WWC2: variants seen among roughly 807,000 people sequenced by gnomAD.
The protein encoded by WWC2 is protein WWC2.
Under a neutral mutation model 138.5 loss-of-function variants are expected in WWC2, and 101 were observed. The ratio of observed to expected loss-of-function variants is 0.73; its 90% CI spans 0.62 to 0.86. WWC2 has a LOEUF of 0.86. Ranked by LOEUF, WWC2 falls within the 40% of genes least tolerant of loss-of-function variation. The pLI, the probability that WWC2 is intolerant of heterozygous loss-of-function variation, is 0.00. For synonymous variants in WWC2, 558 were observed against 538.4 expected, an observed-to-expected ratio of 1.04 and a Z score of -0.50; for missense variants, 1,420 against 1,419.4, an observed-to-expected ratio of 1.00 and a Z score of -0.01.
chr4:183,262,669 C>G (rs1737366602), intron 11 of WWC2, among the ~76,000 whole-genome samples: 1 of 152,106 alleles, frequency 6.6e-6, no homozygotes, highest in Non-Finnish European at 1.5e-5. Flanking sequence ...ATGGAAATAA[C>G]CACAAAGAAA....
chr4:183,112,894 C>G (rs183194506), intron 1 of WWC2, among the ~76,000 whole-genome samples: 3 of 152,148 alleles, frequency 2.0e-5, no homozygotes, highest in Admixed American at 2.0e-4. Context: ...AAAGACTAAA[C>G]AGAAGTACTA....
At position 183,099,569 on chromosome 4, in the gene WWC2, C is replaced by A; in HGVS notation, c.78C>A (p.Val26=). ...AGGCCAGGGACTACGACGGCAAGGT[C>A]TTCTACATTGACCACAACACCAGGA... ...WEEARDYDGK[V]FYIDHNTRRT... Residue 26 remains valine, a synonymous_variant, in exon 1 of 23, where the codon GTC becomes GTA. Coordinates refer to ENST00000403733, the MANE Select transcript of WWC2 (RefSeq NM_024949.6). The A allele has an allele frequency of 7.1e-7, 1 of 1,417,880 alleles. No individual in the cohort carries two copies. Among genetic ancestry groups the A allele is most frequent in the Non-Finnish European group, 9.3e-7 (1 of 1,069,626 alleles). The allele number at this position is 1,417,880 out of a possible 1,614,324, so 87.8% of individuals were successfully genotyped here. A position where few individuals can be genotyped will look rare whatever the true frequency, so the allele number is the denominator to read the frequency against.
At chr4:183,251,811 G>A (rs1350633825) in intron 8 of WWC2, among the ~76,000 whole-genome samples, 1 of 152,128 alleles carries the variant, frequency 6.6e-6, no homozygotes, top group Non-Finnish European at 1.5e-5. Context: ...TGTTGAAAAT[G>A]CTTTTTCCTC....
chr4:183,257,419 A>G (rs1420711115), intron 9 of WWC2, among the ~76,000 whole-genome samples: 1 of 152,178 alleles, frequency 6.6e-6, no homozygotes, highest in Non-Finnish European at 1.5e-5. Flanking sequence ...GGGCAGAGTC[A>G]GGCAGGTGTG....
chr4:183,164,731 G>A (rs533997308), intron 1 of WWC2, among the ~76,000 whole-genome samples: 1 of 152,024 alleles, frequency 6.6e-6, no homozygotes, highest in African/African-American at 2.4e-5. Context: ...AGGCCTTGTG[G>A]GTATTCTTGG....
chr4:183,228,337 A>G lies in WWC2; in HGVS notation c.523-11846A>G, dbSNP rs534288026. Among the ~76,000 whole-genome samples the G allele has an allele frequency of 7.2e-5, 11 of 152,234 alleles. 1 individual carries two copies. The South Asian group carries it at 8.3e-4, about 11-fold the overall frequency. ...TCCACAATCATAGTGAGAGATTCCA[A>G]TATAACGTTTGGTATTTGATAGATC... On this transcript the variant is annotated intron_variant, in intron 4 of 22. Transcript: ENST00000403733.
intron 1 of WWC2, among the ~76,000 whole-genome samples, chr4:183,164,997 A>T (rs1734092209): frequency 6.6e-6 from 1 of 152,198 alleles, no homozygotes; most frequent in South Asian, 2.1e-4. Context: ...ACTAATAGTA[A>T]ATGTTAGACT....
In WWC2 at chr4:183,208,914, G is replaced by T. The variant is rs768702954; in HGVS notation, c.446-35G>T. 4.9e-6 allele frequency: 7 copies of T among 1,417,034 alleles called. No individual in the cohort carries two copies. In the Middle Eastern group the frequency reaches 7.5e-4, roughly 153 times the overall value. 87.8% of individuals were successfully genotyped at this position (1,417,034 alleles called of 1,614,324 possible). A position where few individuals can be genotyped will look rare whatever the true frequency, so the allele number is the denominator to read the frequency against. On this transcript the variant is annotated intron_variant, in intron 3 of 22. Coordinates refer to ENST00000403733, the MANE Select transcript of WWC2 (RefSeq NM_024949.6). ...AAGCTGAGAACTAGTTATGCAACTT[G>T]TAAATAATTAGTTTTTCTTTTTTCT... is the stretch of plus-strand genomic sequence containing the variant.
chr4:183,138,788 T>C (rs1733202697), intron 1 of WWC2, among the ~76,000 whole-genome samples: 2 of 152,176 alleles, frequency 1.3e-5, no homozygotes, highest in African/African-American at 2.4e-5. Context: ...AGTTTTTTGT[T>C]TTTTTGTTTT....
At chr4:183,310,292 C>CAT in intron 21 of WWC2, among the ~76,000 whole-genome samples, 1 of 152,160 alleles carries the variant, frequency 6.6e-6, no homozygotes, top group Non-Finnish European at 1.5e-5. Context: ...AGAGTTTATA[C>CAT]ATGAGTCGGG....
intron 5 of WWC2, 123 bp from the exon 6 acceptor site, chr4:183,245,293 T>C: frequency 1.4e-6 from 1 of 723,052 alleles, no homozygotes; most frequent in Non-Finnish European, 1.9e-6. Flanking sequence ...TGATTGCTGG[T>C]ATATGACAGT....
intron 1 of WWC2, among the ~76,000 whole-genome samples, chr4:183,154,009 A>C (rs1407309635): frequency 7.1e-6 from 1 of 140,388 alleles, no homozygotes; most frequent in African/African-American, 2.7e-5. Flanking sequence ...AAGCAAAAAA[A>C]AAAAAAAAAA....
chr4:183,224,564 TTTTG>T (rs1736018820), intron 4 of WWC2, among the ~76,000 whole-genome samples: 1 of 152,236 alleles, frequency 6.6e-6, no homozygotes, highest in East Asian at 1.9e-4. Context: ...TGTTTTTGTT[TTTTG>T]TTTATTTTTT....
chr4:183,214,671 A>C (rs1222617147), intron 4 of WWC2, among the ~76,000 whole-genome samples: 1 of 152,058 alleles, frequency 6.6e-6, no homozygotes, highest in Non-Finnish European at 1.5e-5. Flanking sequence ...ACATGCCCGT[A>C]ATCCCAGCTA....
At chr4:183,188,330 C>T (rs1477990466) in intron 1 of WWC2, among the ~76,000 whole-genome samples, 1 of 152,092 alleles carries the variant, frequency 6.6e-6, no homozygotes, top group Non-Finnish European at 1.5e-5. Context: ...CCTCCACCTC[C>T]CAGGTTCAAG....
At position 183,245,304 on chromosome 4, in the gene WWC2, C is replaced by T. The variant is rs924099282; in HGVS notation, c.603-112C>T. 20 of 853,328 alleles carry T rather than the reference C, an allele frequency of 2.3e-5. No homozygotes were observed. The African/African-American group carries it at 2.7e-4, about 12-fold the overall frequency. The allele number at this position is 853,328 out of a possible 1,614,324, so 52.9% of individuals were successfully genotyped here. On this transcript the variant is annotated intron_variant, in intron 5 of 22. Coordinates refer to ENST00000403733, the MANE Select transcript of WWC2 (RefSeq NM_024949.6). ...AAGATGATTGCTGGTATATGACAGT[C>T]AGCAGTGAAATAATCATCCAACTGA...
chr4:183,253,801 C>T lies in WWC2; in HGVS notation c.998C>T (p.Ala333Val). 1.2e-6 allele frequency: 2 copies of T among 1,613,504 alleles called. No individual in the cohort carries two copies. The highest frequency in any genetic ancestry group is 1.3e-5 in the African/African-American group (1 of 74,938). ...KIELSKLDSEAWPGALDIEKE... is the reference protein window; with the variant it reads ...KIELSKLDSEVWPGALDIEKE... ...GAACTGTCAAAATTGGACAGTGAGG[C>T]CTGGCCTGGGGCACTGGATATTGAG... The change falls in exon 9 of 23, where the codon GCC becomes GTC. Residue 333 changes from alanine to valine, a missense_variant. Transcript: ENST00000403733.
At chr4:183,233,326 T>C (rs1241702928) in intron 4 of WWC2, among the ~76,000 whole-genome samples, 3 of 151,572 alleles carry the variant, frequency 2.0e-5, no homozygotes, top group Non-Finnish European at 2.9e-5. Flanking sequence ...CGGCTAATTT[T>C]TGTATTTTTT....
chr4:183,312,321 AT>A lies in WWC2; in HGVS notation c.3385-15del. 6.2e-7 allele frequency: 1 copy of A among 1,610,586 alleles called. No individual in the cohort carries two copies. ...AATCAGTGTTTTGTGTGTTTCTTAC[AT>A]TTTTATTCCCTTTTCCAGGCTGAAC... On this transcript the variant is annotated intron_variant, in intron 21 of 22. Coordinates refer to ENST00000403733, the MANE Select transcript of WWC2 (RefSeq NM_024949.6).
Sources: allele counts gnomAD v4.1 joint callset (sites outside exome capture counted in the v4.1 genomes callset), GRCh38; gene constraint gnomAD v4.1.1; transcripts MANE v1.5; gene names NCBI Gene and HGNC (gene_info 2026-07-23, HGNC 2026-07-21).